Variants in EIPR1 observed in about 807,000 individuals in gnomAD.
EIPR1 encodes the protein EARP and GARP complex-interacting protein 1.
EIPR1 carries 25 observed loss-of-function variants against 48.1 expected under a neutral mutation model. The observed-to-expected ratio is 0.52, with a 90% CI of 0.38 to 0.73. The LOEUF (loss-of-function observed/expected upper bound fraction) is 0.73, where lower values mean the gene tolerates loss of function less well. EIPR1 is among the 30% of genes least tolerant of loss of function. The pLI is 0.00. For missense variants in EIPR1, 415 were observed against 506.2 expected (o/e 0.82, Z 1.73); for synonymous variants, 204 against 201.9 (o/e 1.01, Z -0.09).
At chr2:3,364,053 A>C (rs553801716) in intron 1 of EIPR1, among the ~76,000 whole-genome samples, 1 of 152,310 alleles carries the variant, frequency 6.6e-6, no homozygotes, top group Non-Finnish European at 1.5e-5. Flanking sequence ...GCCCTCATAC[A>C]CTATTGATGG....
At chr2:3,248,331 C>T (rs190455687) in intron 4 of EIPR1, among the ~76,000 whole-genome samples, 39 of 152,312 alleles carry the variant, frequency 2.6e-4, no homozygotes, top group Middle Eastern at 3.4e-3. Context: ...CGGTGGCACA[C>T]GCCTGTAATC....
chr2:3,189,585 C>A lies in EIPR1; in HGVS notation c.990-77G>T. The A allele has an allele frequency of 1.5e-6, 2 of 1,376,944 alleles. No individual in the cohort carries two copies. Among genetic ancestry groups the A allele is most frequent in the Admixed American group, 2.4e-5 (1 of 41,740 alleles). The allele number at this position is 1,376,944 out of a possible 1,614,324, so 85.3% of individuals were successfully genotyped here. On this transcript the variant is annotated intron_variant, in intron 8 of 8. Transcript: ENST00000382125. The surrounding 1 kb of genome is among the most constrained non-coding windows in gnomAD (Gnocchi z 4.6). The stretch of plus-strand genomic sequence containing the variant: ...AGGAGAGGGGCAGGGAGGACGCGAG[C>A]GCTGACATCGGGAGACACGGGAGGT...
chr2:3,262,972 C>T (rs1045327291), intron 3 of EIPR1, among the ~76,000 whole-genome samples: 1 of 152,194 alleles, frequency 6.6e-6, no homozygotes, highest in Non-Finnish European at 1.5e-5. Context: ...GGTGCCCAAA[C>T]CATACAAGAC....
chr2:3,224,317 G>C (rs1047765057), intron 4 of EIPR1, among the ~76,000 whole-genome samples: 1 of 152,194 alleles, frequency 6.6e-6, no homozygotes, highest in Non-Finnish European at 1.5e-5. Flanking sequence ...CAACCCTGCC[G>C]TAAGAGCAAC....
At chr2:3,325,483 C>T (rs184546552) in intron 3 of EIPR1, among the ~76,000 whole-genome samples, 2 of 152,320 alleles carry the variant, frequency 1.3e-5, no homozygotes, top group East Asian at 3.9e-4. Context: ...GGCCACCTTC[C>T]ACTCGAGGGC....
At chr2:3,221,870 A>G (rs1217157198) in intron 4 of EIPR1, among the ~76,000 whole-genome samples, 1 of 152,272 alleles carries the variant, frequency 6.6e-6, no homozygotes, top group East Asian at 1.9e-4. Context: ...AGTCAGGTGC[A>G]CATGCACACG....
chr2:3,270,101 T>C (rs888001349), intron 3 of EIPR1, among the ~76,000 whole-genome samples: 1 of 152,224 alleles, frequency 6.6e-6, no homozygotes, highest in Non-Finnish European at 1.5e-5. Context: ...TGGGCAGAGA[T>C]ATGGATCTTT....
At chr2:3,230,563 A>T (rs1270538077) in intron 4 of EIPR1, among the ~76,000 whole-genome samples, 1 of 152,196 alleles carries the variant, frequency 6.6e-6, no homozygotes, top group Admixed American at 6.5e-5. Context: ...TAGGATTTCA[A>T]ATTTTCAGAT....
chr2:3,340,756 A>G (rs1000634157), intron 2 of EIPR1, among the ~76,000 whole-genome samples: 6 of 152,176 alleles, frequency 3.9e-5, no homozygotes, highest in Non-Finnish European at 8.8e-5. Context: ...CACGGCAGAT[A>G]TATTTATGAT....
rs1670670062 is a variant in EIPR1 at position 3,354,469 on chromosome 2, C to T, written c.126+81G>A. On this transcript the variant is annotated intron_variant, in intron 2 of 8. Coordinates refer to ENST00000382125, the MANE Select transcript of EIPR1 (RefSeq NM_003310.5). ...TGTGGCATTAATTTCTCAAATGTTG[C>T]TGGAAAATCAGAGCAAAATGGTTAT... is the stretch of plus-strand genomic sequence containing the variant. The T allele has an allele frequency of 3.0e-6, 4 of 1,312,240 alleles. No individual in the cohort carries two copies. The East Asian group carries it at 9.4e-5, about 31-fold the overall frequency. 81.3% of individuals were successfully genotyped at this position (1,312,240 alleles called of 1,614,324 possible). A position where few individuals can be genotyped will look rare whatever the true frequency, so the allele number is the denominator to read the frequency against.
chr2:3,190,926 ACT>A (rs758164200), intron 8 of EIPR1, among the ~76,000 whole-genome samples: 1 of 149,936 alleles, frequency 6.7e-6, no homozygotes, highest in Non-Finnish European at 1.5e-5. Flanking sequence ...ACATGGCAAA[ACT>A]CTGTCTCTAC....
intron 3 of EIPR1, among the ~76,000 whole-genome samples, chr2:3,269,616 A>ACACT (rs1358342625): frequency 0.021 from 2,346 of 114,302 alleles, 159 homozygotes; most frequent in Non-Finnish European, 0.025. Context: ...CTCAATCATC[A>ACACT]CAATCATCGC....
chr2:3,288,279 C>T (rs1188643886), intron 3 of EIPR1, among the ~76,000 whole-genome samples: 1 of 152,202 alleles, frequency 6.6e-6, no homozygotes, highest in Non-Finnish European at 1.5e-5. Context: ...GCAGGCCACC[C>T]TCATACCTCA....
chr2:3,321,773 C>A (rs1669537201), intron 3 of EIPR1, among the ~76,000 whole-genome samples: 1 of 152,188 alleles, frequency 6.6e-6, no homozygotes, highest in African/African-American at 2.4e-5. Context: ...ATCTCAGGAA[C>A]CCTCTAGTTC....
chr2:3,301,855 C>T (rs1668770073), intron 3 of EIPR1, among the ~76,000 whole-genome samples: 1 of 152,170 alleles, frequency 6.6e-6, no homozygotes, highest in Non-Finnish European at 1.5e-5. Context: ...GTGTTTCTAT[C>T]AGGAACACGT....
intron 1 of EIPR1, among the ~76,000 whole-genome samples, chr2:3,362,273 G>C (rs532768261): frequency 1.3e-5 from 2 of 152,062 alleles, no homozygotes; most frequent in Admixed American, 1.3e-4. Context: ...TACACAGGGG[G>C]ATGTGCCCCT....
chr2:3,304,861 G>GT (rs1668875775), intron 3 of EIPR1, among the ~76,000 whole-genome samples: 2 of 25,898 alleles, frequency 7.7e-5, no homozygotes, highest in African/African-American at 1.6e-4. Context: ...GCCCTCCACT[G>GT]CCATCCAGTT....
chr2:3,285,741 C>T (rs1220260774), intron 3 of EIPR1, among the ~76,000 whole-genome samples: 1 of 58,012 alleles, frequency 1.7e-5, no homozygotes, highest in African/African-American at 7.6e-5. Context: ...CGACTGTCTC[C>T]GGGACCCTCG....
intron 2 of EIPR1, among the ~76,000 whole-genome samples, chr2:3,347,436 A>C (rs7559912): frequency 0.02 from 2,996 of 152,246 alleles, 104 homozygotes; most frequent in African/African-American, 0.068. Flanking sequence ...TATAAGGTGG[A>C]GTTTCCCTGC....
Sources: allele counts gnomAD v4.1 joint callset (sites outside exome capture counted in the v4.1 genomes callset), GRCh38; gene constraint gnomAD v4.1.1; non-coding constraint Gnocchi (gnomAD v3.1); transcripts MANE v1.5; gene names NCBI Gene and HGNC (gene_info 2026-07-23, HGNC 2026-07-21).